Variants in WT1 observed in about 807,000 individuals in gnomAD.
WT1 encodes WT1 transcription factor, also known as Wilms tumor protein.
In WT1, 8 loss-of-function variants were observed where a neutral mutation model predicts 60.8. That is an observed-to-expected ratio of 0.13 (90% confidence interval 0.08 to 0.24). The LOEUF (loss-of-function observed/expected upper bound fraction) is 0.24, where lower values mean the gene tolerates loss of function less well. WT1 is among the 10% of genes least tolerant of loss of function. The pLI, the probability that WT1 is intolerant of heterozygous loss-of-function variation, is 1.00. For missense variants in WT1, 568 were observed against 711.8 expected (o/e 0.80, Z 2.30); for synonymous variants, 312 against 297.1 (o/e 1.05, Z -0.52).
At chr11:32,390,466 C>A (rs1291410419) in intron 9 of WT1, among the ~76,000 whole-genome samples, 2 of 152,176 alleles carry the variant, frequency 1.3e-5, no homozygotes, top group Non-Finnish European at 2.9e-5. Flanking sequence ...ATCAAAGGCA[C>A]CTGAGGAAGG....
Position 32,389,036 on chromosome 11 carries a change from A to G in WT1, c.*22T>C, listed in dbSNP as rs2132896517. On this transcript the variant is annotated 3_prime_UTR_variant, in exon 10 of 10. Transcript: ENST00000452863. ...ACACACTGTGCTGCCTGGGACACTG[A>G]ACGGTCCCCGAGGGAGACCCCTCAA... 1 of 1,614,172 alleles carries G rather than the reference A, an allele frequency of 6.2e-7. No individual in the cohort carries two copies. The highest frequency in any genetic ancestry group is 8.5e-7 in the Non-Finnish European group (1 of 1,180,008).
chr11:32,424,534 C>A (rs1380689670), intron 3 of WT1, among the ~76,000 whole-genome samples: 1 of 152,212 alleles, frequency 6.6e-6, no homozygotes, highest in Non-Finnish European at 1.5e-5. Flanking sequence ...TCCGTAAGGG[C>A]AGACACCTGG....
chr11:32,400,593 G>T, intron 5 of WT1: 1 of 216,836 alleles, frequency 4.6e-6, no homozygotes, highest in Non-Finnish European at 9.3e-6. Flanking sequence ...TTAACTCTTG[G>T]TAGCCAGCCT....
Position 32,427,967 on chromosome 11 carries a change from C to A in WT1, c.876G>T (p.Thr292=), listed in dbSNP as rs1343218741. The change falls in exon 3 of 10, where the codon ACG becomes ACT. Residue 292 remains threonine (T), a synonymous_variant. Coordinates refer to ENST00000452863, the MANE Select transcript of WT1 (RefSeq NM_024426.6). ...CAGCGCCTTCCTACCTGCTGTAGGG[C>A]GTCCTCAGCAGCAAAGCCTGGCTGC... The A allele has an allele frequency of 6.2e-7, 1 of 1,611,086 alleles. No individual in the cohort carries two copies. The highest frequency in any genetic ancestry group is 1.9e-4 in the Middle Eastern group (1 of 5,290).
At chr11:32,428,651 A>C in intron 1 of WT1, 32 bp from the exon 2 acceptor site, 1 of 1,607,028 alleles carries the variant, frequency 6.2e-7, no homozygotes, top group Non-Finnish European at 8.5e-7. Flanking sequence ...GCACAGTGTC[A>C]GCGGTGCTCT....
chr11:32,430,433 AGAGAGAGAGAGAGAGAGGGAGG>A (rs1853244199), intron 1 of WT1: 2 of 572,632 alleles, frequency 3.5e-6, no homozygotes, highest in Non-Finnish European at 2.4e-6. Context: ...AGACAGACAC[AGAGAGAGAGAGAGAGAGGGAGG>A]GAGAGAGAGA....
intron 1 of WT1, among the ~76,000 whole-genome samples, chr11:32,432,410 A>G (rs1174021399): frequency 6.6e-6 from 1 of 152,206 alleles, no homozygotes; most frequent in Non-Finnish European, 1.5e-5. Context: ...CAGAATCTCG[A>G]GGGCCACCCT....
intron 3 of WT1, among the ~76,000 whole-genome samples, chr11:32,420,499 C>G (rs1421591679): frequency 2.0e-5 from 3 of 152,128 alleles, no homozygotes; most frequent in Non-Finnish European, 4.4e-5. Context: ...TTGCACAGCA[C>G]TTTCACACAT....
intron 7 of WT1, 71 bp from the exon 8 acceptor site, chr11:32,392,826 T>C (rs1043686471): frequency 5.7e-6 from 8 of 1,409,682 alleles, no homozygotes; most frequent in South Asian, 1.2e-5. Context: ...CAACCTCTCC[T>C]ACTAGGACTG....
chr11:32,395,536 A>C (rs1357373671), intron 7 of WT1, among the ~76,000 whole-genome samples: 1 of 150,222 alleles, frequency 6.7e-6, no homozygotes, highest in Non-Finnish European at 1.5e-5. Context: ...CAGTGGTAAG[A>C]TCTCAGCTCA....
intron 5 of WT1, among the ~76,000 whole-genome samples, chr11:32,403,011 A>G (rs769249540): frequency 5.9e-5 from 9 of 152,228 alleles, no homozygotes; most frequent in Non-Finnish European, 1.2e-4. Context: ...CCTGAAGACA[A>G]CTGTCTCATG....
chr11:32,389,219 G>A (rs1178450570), intron 9 of WT1, 40 bp from the exon 10 acceptor site: 1 of 1,613,696 alleles, frequency 6.2e-7, no homozygotes, highest in African/African-American at 1.3e-5. Context: ...TTGCAACAAA[G>A]AGACAGGCAC....
intron 5 of WT1, among the ~76,000 whole-genome samples, chr11:32,406,221 C>T (rs2132985835): frequency 6.6e-6 from 1 of 152,070 alleles, no homozygotes; most frequent in East Asian, 1.9e-4. Flanking sequence ...TTCCACAGAC[C>T]AGGGGTGGGG....
Position 32,389,019 on chromosome 11 carries a change from T to A in WT1, c.*39A>T, listed in dbSNP as rs1186178033. The A allele has an allele frequency of 6.2e-7, 1 of 1,614,016 alleles. No individual in the cohort carries two copies. Among genetic ancestry groups the A allele is most frequent in the Non-Finnish European group, 8.5e-7 (1 of 1,179,958 alleles). ...AGACTTGAAAGCAGTTCACACACTG[T>A]GCTGCCTGGGACACTGAACGGTCCC... is the stretch of plus-strand genomic sequence containing the variant. On this transcript the variant is annotated 3_prime_UTR_variant, in exon 10 of 10. Coordinates refer to ENST00000452863, the MANE Select transcript of WT1 (RefSeq NM_024426.6).
intron 6 of WT1, among the ~76,000 whole-genome samples, chr11:32,397,482 A>ACT: frequency 7.2e-6 from 1 of 139,682 alleles, no homozygotes; most frequent in African/African-American, 2.7e-5. Context: ...TGCCCAGCTA[A>ACT]TTTTTTTTTT....
At chr11:32,412,964 TA>T (rs1852550075) in intron 5 of WT1, among the ~76,000 whole-genome samples, 1 of 152,106 alleles carries the variant, frequency 6.6e-6, no homozygotes, top group South Asian at 2.1e-4. Flanking sequence ...ATGTTCTTTA[TA>T]AAATCCTATC....
chr11:32,416,355 CGGGGGA>C, intron 5 of WT1, 129 bp downstream of exon 5: 1 of 1,057,218 alleles, frequency 9.5e-7, no homozygotes, highest in Non-Finnish European at 1.5e-6. Context: ...GAGGTGGGGG[CGGGGGA>C]GAGAGATTCT....
chr11:32,433,518 G>A (rs1052219042), intron 1 of WT1, among the ~76,000 whole-genome samples: 4 of 152,200 alleles, frequency 2.6e-5, no homozygotes, highest in Non-Finnish European at 5.9e-5. Context: ...TGCTTCCCAC[G>A]CATTCCAAAA....
At chr11:32,407,778 A>G (rs552376875) in intron 5 of WT1, among the ~76,000 whole-genome samples, 5 of 152,312 alleles carry the variant, frequency 3.3e-5, no homozygotes, top group African/African-American at 1.2e-4. Flanking sequence ...TTAAGGATCT[A>G]TGCTAAGAAA....
Sources: allele counts gnomAD v4.1 joint callset (sites outside exome capture counted in the v4.1 genomes callset), GRCh38; gene constraint gnomAD v4.1.1; transcripts MANE v1.5; gene names NCBI Gene and HGNC (gene_info 2026-07-23, HGNC 2026-07-21).